Variants in PML observed in about 807,000 individuals in gnomAD.
The protein encoded by PML is PML nuclear body scaffold.
Under a neutral mutation model 65.2 loss-of-function variants are expected in PML, and 28 were observed. The observed-to-expected ratio is 0.43, with a 90% CI of 0.32 to 0.59. The LOEUF is 0.59. Among genes scored for constraint, PML ranks in the 20% least tolerant of loss-of-function variants. The pLI is 0.08. For synonymous variants in PML, 500 were observed against 508.8 expected (o/e 0.98, Z 0.23); for missense variants, 1,021 against 1,203.4 (o/e 0.85, Z 2.24).
At chr15:74,004,830 C>T (rs952013008) in intron 2 of PML, among the ~76,000 whole-genome samples, 3 of 152,020 alleles carry the variant, frequency 2.0e-5, no homozygotes, top group Non-Finnish European at 2.9e-5. Context: ...CCTCAGCCTC[C>T]CAAGTAGCTG....
At chr15:74,017,903 G>A (rs1321124115) in intron 2 of PML, among the ~76,000 whole-genome samples, 1 of 152,170 alleles carries the variant, frequency 6.6e-6, no homozygotes, top group African/African-American at 2.4e-5. Flanking sequence ...TTGGGGCCAA[G>A]GTGGAAGGAT....
rs1475133823 is a variant in PML at position 74,047,441 on chromosome 15, G to A, written c.*2433G>A. The A allele has an allele frequency of 4.4e-6, 1 of 228,870 alleles. No homozygotes were observed. The highest frequency in any genetic ancestry group is 8.7e-6 in the Non-Finnish European group (1 of 115,360). 14.2% of individuals were successfully genotyped at this position (228,870 alleles called of 1,614,324 possible). A position where few individuals can be genotyped will look rare whatever the true frequency, so the allele number is the denominator to read the frequency against. On this transcript the variant is annotated 3_prime_UTR_variant, in exon 9 of 9. Transcript: ENST00000268058. ...TCCTGGAGTTTTATTCTCTCAGCTT[G>A]ATCCTTTGACCAAGAAGATCCAGTC...
At chr15:74,005,134 C>CCTCCA (rs1385804416) in intron 2 of PML, among the ~76,000 whole-genome samples, 5 of 152,200 alleles carry the variant, frequency 3.3e-5, no homozygotes, top group African/African-American at 1.2e-4. Flanking sequence ...CTCACTGCAA[C>CCTCCA]CTCCACCTCC....
chr15:74,019,648 G>A (rs1348888741), intron 2 of PML, among the ~76,000 whole-genome samples: 3 of 152,086 alleles, frequency 2.0e-5, no homozygotes, highest in Non-Finnish European at 2.9e-5. Flanking sequence ...ACAAAAGGTA[G>A]CATCTGATAC....
chr15:74,031,848 A>G (rs1367766552), intron 4 of PML, among the ~76,000 whole-genome samples: 1 of 152,224 alleles, frequency 6.6e-6, no homozygotes, highest in Non-Finnish European at 1.5e-5. Context: ...AGTGCCAGGT[A>G]TTTTATATTT....
At chr15:74,038,754 A>G (rs2071630015) in intron 7 of PML, among the ~76,000 whole-genome samples, 1 of 152,204 alleles carries the variant, frequency 6.6e-6, no homozygotes, top group Non-Finnish European at 1.5e-5. Context: ...TGCAGTGAGG[A>G]AAGTTGCAGA....
intron 2 of PML, among the ~76,000 whole-genome samples, chr15:74,010,185 ATTTTTTTTTTTT>A (rs536738558): frequency 1.3e-4 from 10 of 77,938 alleles, no homozygotes; most frequent in Admixed American, 7.3e-4. Flanking sequence ...TGCCCAGCTA[ATTTTTTTTTTTT>A]TTTTTTTTTT....
intron 7 of PML, among the ~76,000 whole-genome samples, chr15:74,038,370 A>G (rs2071620338): frequency 6.6e-6 from 1 of 151,998 alleles, no homozygotes; most frequent in South Asian, 2.1e-4. Flanking sequence ...GAGGGGGTAA[A>G]AGCACATTTC....
chr15:73,998,499 G>A (rs1186458004), intron 2 of PML, 23 bp downstream of exon 2: 9 of 1,595,528 alleles, frequency 5.6e-6, no homozygotes, highest in African/African-American at 1.3e-5. Flanking sequence ...GCACAGGGTG[G>A]GGTGGTGCAT....
At chr15:74,008,725 C>T (rs913867410) in intron 2 of PML, among the ~76,000 whole-genome samples, 1 of 140,896 alleles carries the variant, frequency 7.1e-6, no homozygotes, top group Non-Finnish European at 1.5e-5. Flanking sequence ...GGTGACAGAG[C>T]GAGACTGTGT....
At chr15:74,005,008 G>A (rs996509250) in intron 2 of PML, among the ~76,000 whole-genome samples, 3 of 151,816 alleles carry the variant, frequency 2.0e-5, no homozygotes, top group Non-Finnish European at 2.9e-5. Context: ...CACTGTGCCT[G>A]GCCATACTTT....
chr15:74,031,630 C>T (rs912761861), intron 4 of PML, among the ~76,000 whole-genome samples: 1 of 152,206 alleles, frequency 6.6e-6, no homozygotes. Flanking sequence ...TGAACATTCA[C>T]GTGCAAGCTT....
In PML at chr15:74,042,636, C is replaced by G. The variant is rs977971261; in HGVS notation, c.1711-353C>G. 2 of 985,316 alleles carry G rather than the reference C, an allele frequency of 2.0e-6. No individual in the cohort carries two copies. The highest frequency in any genetic ancestry group is 3.5e-5 in the African/African-American group (2 of 57,234). The allele number at this position is 985,316 out of a possible 1,614,324, so 61.0% of individuals were successfully genotyped here. A position where few individuals can be genotyped will look rare whatever the true frequency, so the allele number is the denominator to read the frequency against. Reference sequence around the variant, plus strand: ...TGGCATTTTCTCTCACACTTTCATACACTTGTGTCAACGCAGGTTCACAGC... The same window carrying G: ...TGGCATTTTCTCTCACACTTTCATAGACTTGTGTCAACGCAGGTTCACAGC... On this transcript the variant is annotated intron_variant, in intron 7 of 8. Coordinates refer to ENST00000268058, the MANE Select transcript of PML (RefSeq NM_033238.3). The surrounding 1 kb of genome is among the most constrained non-coding windows in gnomAD (Gnocchi z 5.3).
chr15:74,025,756 G>A (rs971688998), intron 4 of PML: 1 of 152,364 alleles, frequency 6.6e-6, no homozygotes, highest in East Asian at 1.9e-4. Flanking sequence ...GCATTCACAA[G>A]TATGGCTCCT....
In PML at chr15:74,023,147, G is replaced by A. The variant is rs747055654; in HGVS notation, c.922G>A (p.Asp308Asn). Residue 308 changes from aspartate (D) to asparagine (N), a missense_variant, in exon 3 of 9, where the codon GAC becomes AAC. Physicochemically the swap from Asp to Asn is conservative, Grantham distance 23. Transcript: ENST00000268058. The part of the protein sequence containing the change: ...LEAVDARYQR[D>N]YEEMASRLGR... ...GGCTGTGGACGCGCGGTACCAGCGCGACTACGAGGAGATGGCCAGTCGGCT... is the reference window on the plus strand; with the variant it reads ...GGCTGTGGACGCGCGGTACCAGCGCAACTACGAGGAGATGGCCAGTCGGCT... The A allele has an allele frequency of 5.6e-6, 9 of 1,604,376 alleles. No individual in the cohort carries two copies. Among genetic ancestry groups the A allele is most frequent in the South Asian group, 1.1e-5 (1 of 90,956 alleles).
chr15:74,011,240 C>T (rs1390918369), intron 2 of PML, among the ~76,000 whole-genome samples: 4 of 152,148 alleles, frequency 2.6e-5, no homozygotes, highest in African/African-American at 9.7e-5. Flanking sequence ...CAAGCTAAAT[C>T]TCAGTGTGTC....
In PML at chr15:74,004,719, AT is replaced by A. The variant is rs762375779; in HGVS notation, c.602+6259del. 4.3e-3 allele frequency among the ~76,000 whole-genome samples: 615 copies of A among 143,042 alleles called. 2 individuals are homozygous for A. Among genetic ancestry groups the A allele is most frequent in the South Asian group, 0.03 (133 of 4,428 alleles). 93.8% of individuals were successfully genotyped at this position (143,042 alleles called of 152,430 possible). On this transcript the variant is annotated intron_variant, in intron 2 of 8. Transcript: ENST00000268058. ...CAGGGAAATTGTATTCTGCTTTTTA[AT>A]TTTTTTTTTTTTTTTGAGATAGAGT...
At chr15:74,029,078 A>G (rs1430978714) in intron 4 of PML, among the ~76,000 whole-genome samples, 3 of 152,062 alleles carry the variant, frequency 2.0e-5, no homozygotes, top group Admixed American at 6.6e-5. Context: ...AGGAATCACC[A>G]TGCTGTTTTC....
chr15:74,023,438 C>T (rs1386493897), intron 3 of PML, 30 bp downstream of exon 3: 3 of 1,554,668 alleles, frequency 1.9e-6, no homozygotes, highest in African/African-American at 1.4e-5. Context: ...TCCTGGGCGG[C>T]CTGTGCCTCT....
Sources: allele counts gnomAD v4.1 joint callset (sites outside exome capture counted in the v4.1 genomes callset), GRCh38; gene constraint gnomAD v4.1.1; non-coding constraint Gnocchi (gnomAD v3.1); transcripts MANE v1.5; gene names NCBI Gene and HGNC (gene_info 2026-07-23, HGNC 2026-07-21).